The following CCR5AS variants were observed in gnomAD, a reference collection of about 807,000 sequenced individuals.
The protein encoded by CCR5AS is CCR5 antisense RNA.
At chr3:46,373,973 G>A (rs1701716189) in intron 2 of CCR5AS, 1 of 1,540,732 alleles carries the variant, frequency 6.5e-7, no homozygotes, top group African/African-American at 1.4e-5. Context: ...ACGGACTCAA[G>A]TGGGCTGGTG....
chr3:46,403,151 T>C (rs1197029142), intron 1 of CCR5AS, among the ~76,000 whole-genome samples: 1 of 152,246 alleles, frequency 6.6e-6, no homozygotes, highest in Non-Finnish European at 1.5e-5. Flanking sequence ...TTGATGGGCA[T>C]TTAGGTTTAT....
At chr3:46,375,296 C>T (rs1401840181) in intron 2 of CCR5AS, 2 of 167,042 alleles carry the variant, frequency 1.2e-5, no homozygotes, top group Non-Finnish European at 1.5e-5. Context: ...CTTCAGCTCA[C>T]ACATGAGATC....
At chr3:46,364,046 C>G (rs983079247), downstream of CCR5AS, among the ~76,000 whole-genome samples, 1 of 152,220 alleles carries the variant, frequency 6.6e-6, no homozygotes, top group Non-Finnish European at 1.5e-5. Flanking sequence ...GATGAAGCAG[C>G]AAGTGCAAAG....
At chr3:46,381,708 C>T (rs1189884863) in intron 2 of CCR5AS, among the ~76,000 whole-genome samples, 1 of 152,188 alleles carries the variant, frequency 6.6e-6, no homozygotes, top group East Asian at 1.9e-4. Context: ...TTAGGAGAAT[C>T]CTAATGGTTT....
intron 3 of CCR5AS, among the ~76,000 whole-genome samples, chr3:46,366,155 G>T (rs1267365976): frequency 6.6e-6 from 1 of 152,128 alleles, no homozygotes; most frequent in East Asian, 1.9e-4. Flanking sequence ...TGGATACAGG[G>T]CTGGTGCTGT....
chr3:46,382,760 TG>T (rs1467916709), intron 2 of CCR5AS, among the ~76,000 whole-genome samples: 1 of 152,222 alleles, frequency 6.6e-6, no homozygotes, highest in Non-Finnish European at 1.5e-5. Context: ...CAATGGCTAC[TG>T]TAGGAGACAG....
intron 2 of CCR5AS, among the ~76,000 whole-genome samples, chr3:46,390,174 G>T (rs936697926): frequency 6.6e-6 from 1 of 152,150 alleles, no homozygotes; most frequent in Non-Finnish European, 1.5e-5. Context: ...TGTTGGGACT[G>T]GTGGGTGTCA....
At chr3:46,370,696 A>G (rs995065678) in intron 3 of CCR5AS, among the ~76,000 whole-genome samples, 1 of 152,144 alleles carries the variant, frequency 6.6e-6, no homozygotes, top group African/African-American at 2.4e-5. Flanking sequence ...ATATTTTCTA[A>G]CAGATTCTGT....
intron 2 of CCR5AS, chr3:46,373,776 A>C: frequency 6.2e-7 from 1 of 1,613,828 alleles, no homozygotes; most frequent in East Asian, 2.2e-5. Context: ...GCACTGCTGC[A>C]TCAACCCCAT....
rs547959533 is a variant in CCR5AS at position 46,371,577 on chromosome 3, G to A, written n.392-160C>T. Among the ~76,000 whole-genome samples the A allele has an allele frequency of 3.5e-4, 54 of 152,242 alleles. No individual in the cohort carries two copies. In the South Asian group the frequency reaches 0.011, roughly 30 times the overall value. ...CTCAGCTGCCTAGTCTAAGGTGCAG[G>A]GAGTTTGAGACTCACAGGGTTTAAT... On this transcript the variant is annotated intron_variant and non_coding_transcript_variant, in intron 2 of 3. Transcript: ENST00000451485.
chr3:46,377,714 T>C (rs984304964), intron 2 of CCR5AS, among the ~76,000 whole-genome samples: 1 of 149,628 alleles, frequency 6.7e-6, no homozygotes, highest in African/African-American at 2.4e-5. Flanking sequence ...GAACTTTCCT[T>C]TTTTTTTTTG....
At chr3:46,377,756 A>G (rs1393961063) in intron 2 of CCR5AS, among the ~76,000 whole-genome samples, 3 of 151,710 alleles carry the variant, frequency 2.0e-5, no homozygotes, top group African/African-American at 7.3e-5. Context: ...CCCAGGCTGG[A>G]GTGCAATGGT....
chr3:46,389,234 G>A (rs1332682155), intron 2 of CCR5AS, among the ~76,000 whole-genome samples: 1 of 152,228 alleles, frequency 6.6e-6, no homozygotes, highest in South Asian at 2.1e-4. Context: ...GGAAGTAGGG[G>A]TGAGTACTTG....
chr3:46,402,450 G>C (rs1702012511), intron 1 of CCR5AS, among the ~76,000 whole-genome samples: 1 of 152,144 alleles, frequency 6.6e-6, no homozygotes. Flanking sequence ...TTTTCTAAAA[G>C]TAGTTTTTCT....
intron 2 of CCR5AS, chr3:46,373,113 AACCTGGC>A (rs769057798): frequency 6.2e-7 from 1 of 1,614,154 alleles, no homozygotes; most frequent in South Asian, 1.1e-5. Flanking sequence ...CTACCTGCTC[AACCTGGC>A]CATCTCTGAC....
chr3:46,379,073 A>C (rs1477860743), intron 2 of CCR5AS, among the ~76,000 whole-genome samples: 1 of 147,234 alleles, frequency 6.8e-6, no homozygotes, highest in Non-Finnish European at 1.5e-5. Flanking sequence ...CACATTGTGC[A>C]GGTTAGTTAC....
intron 2 of CCR5AS, among the ~76,000 whole-genome samples, chr3:46,386,814 C>T (rs1701866838): frequency 1.3e-5 from 2 of 152,130 alleles, no homozygotes; most frequent in Admixed American, 1.3e-4. Context: ...CTTAAGGATA[C>T]ACTCTAAAAT....
At chr3:46,365,443 AC>A (rs1230943020) in intron 3 of CCR5AS, among the ~76,000 whole-genome samples, 3 of 152,238 alleles carry the variant, frequency 2.0e-5, no homozygotes, top group African/African-American at 7.2e-5. Context: ...CTGACATAAT[AC>A]TATTGCATAC....
At chr3:46,384,902 TAGATAGATAGAC>T (rs1367456209) in intron 2 of CCR5AS, among the ~76,000 whole-genome samples, 47 of 88,202 alleles carry the variant, frequency 5.3e-4, no homozygotes, top group Middle Eastern at 6.0e-3. Context: ...GATAGATAGA[TAGATAGATAGAC>T]AGACAGACAG....
Sources: gnomAD v4.1 joint callset for allele counts (sites outside exome capture counted in the v4.1 genomes callset) on GRCh38, gnomAD v4.1.1 for gene constraint, MANE v1.5 for transcripts, NCBI Gene and HGNC (gene_info 2026-07-23, HGNC 2026-07-21) for gene names.